Variants in LETM1 observed in about 807,000 individuals in gnomAD.
LETM1 encodes mitochondrial proton/calcium exchanger protein.
LETM1 carries 50 observed loss-of-function variants against 74.5 expected under a neutral mutation model. The ratio of observed to expected loss-of-function variants is 0.67; its 90% CI spans 0.53 to 0.85. LETM1 has a LOEUF of 0.85. Among genes scored for constraint, LETM1 ranks in the 40% least tolerant of loss-of-function variants. The pLI is 0.00. For synonymous variants in LETM1, 446 were observed against 407.1 expected, an observed-to-expected ratio of 1.10 and a Z score of -1.15; for missense variants, 824 against 967.8, an observed-to-expected ratio of 0.85 and a Z score of 1.97.
At chr4:1,819,932 C>T (rs992078908) in intron 10 of LETM1, among the ~76,000 whole-genome samples, 1 of 152,118 alleles carries the variant, frequency 6.6e-6, no homozygotes, top group Non-Finnish European at 1.5e-5. Flanking sequence ...CCCCTGTGGT[C>T]GTGTGTTTCT....
At chr4:1,851,434 C>G (rs568016691) in intron 1 of LETM1, among the ~76,000 whole-genome samples, 1 of 152,100 alleles carries the variant, frequency 6.6e-6, no homozygotes, top group East Asian at 1.9e-4. Flanking sequence ...TGGACCGATA[C>G]GTCACTTCAC....
Position 1,841,786 on chromosome 4 carries a change from A to C in LETM1, c.155T>G (p.Phe52Cys). ...LGLRNCLNVPFGCCTPIHPVY... is the reference protein window; with the variant it reads ...LGLRNCLNVPCGCCTPIHPVY... Reference sequence around the variant, plus strand: ...AGGGTGGATGGGAGTGCAGCAGCCAAATGGAACATTCCTTGAAAAGGGAAG... The same window carrying C: ...AGGGTGGATGGGAGTGCAGCAGCCACATGGAACATTCCTTGAAAAGGGAAG... Residue 52 changes from phenylalanine to cysteine, a missense_variant, in exon 3 of 14, where the codon TTT (phenylalanine) becomes TGT (cysteine). By Grantham distance (205) the Phe-to-Cys change is radical. Transcript: ENST00000302787. 6.2e-7 allele frequency: 1 copy of C among 1,611,772 alleles called. No individual in the cohort carries two copies. The highest frequency in any genetic ancestry group is 2.2e-5 in the East Asian group (1 of 44,868).
chr4:1,840,727 G>A (rs1712661139), intron 3 of LETM1, among the ~76,000 whole-genome samples: 1 of 151,800 alleles, frequency 6.6e-6, no homozygotes, highest in African/African-American at 2.4e-5. Context: ...AAACGAAGCG[G>A]GGGTGGTGGG....
At chr4:1,829,179 C>G (rs1463665505) in intron 6 of LETM1, among the ~76,000 whole-genome samples, 3 of 143,356 alleles carry the variant, frequency 2.1e-5, no homozygotes, top group Non-Finnish European at 4.6e-5. Flanking sequence ...TGACCCCCCC[C>G]CCACCTCCCT....
At chr4:1,828,831 TC>T (rs1712135601) in intron 6 of LETM1, among the ~76,000 whole-genome samples, 1 of 72,190 alleles carries the variant, frequency 1.4e-5, no homozygotes, top group African/African-American at 5.5e-5. Flanking sequence ...CCCACCTCCC[TC>T]CCGGACGGGG....
chr4:1,850,328 A>G (rs1713025548), intron 1 of LETM1, among the ~76,000 whole-genome samples: 2 of 152,140 alleles, frequency 1.3e-5, no homozygotes, highest in Non-Finnish European at 2.9e-5. Context: ...GGAAGCCTCA[A>G]GTAGATCCTG....
At position 1,811,981 on chromosome 4, in the gene LETM1, G is replaced by A. The variant is rs937894742; in HGVS notation, c.*2443C>T. On this transcript the variant is annotated 3_prime_UTR_variant, in exon 14 of 14. Coordinates refer to ENST00000302787, the MANE Select transcript of LETM1 (RefSeq NM_012318.3). ...TGGGAGGCCGAGGTGAGTAGATCAC[G>A]AAGTCAGGAGATCGAGACCATCCTG... 3.9e-5 allele frequency: 6 copies of A among 152,172 alleles called. No homozygotes were observed. The highest frequency in any genetic ancestry group is 5.9e-5 in the Non-Finnish European group (4 of 68,032). The allele number at this position is 152,172 out of a possible 1,614,324, so 9.4% of individuals were successfully genotyped here.
intron 1 of LETM1, among the ~76,000 whole-genome samples, chr4:1,854,431 G>C (rs886807505): frequency 4.7e-5 from 7 of 147,542 alleles, no homozygotes; most frequent in Non-Finnish European, 5.9e-5. Context: ...AGTGAGCCGA[G>C]ATCATGCCAC....
At chr4:1,832,438 G>C (rs1273293215) in intron 6 of LETM1, among the ~76,000 whole-genome samples, 1 of 152,192 alleles carries the variant, frequency 6.6e-6, no homozygotes, top group Non-Finnish European at 1.5e-5. Context: ...TGAAGACCCT[G>C]ATGTGAGGAG....
intron 9 of LETM1, chr4:1,822,751 G>A (rs1711829158): frequency 7.5e-6 from 3 of 399,228 alleles, no homozygotes; most frequent in Non-Finnish European, 1.3e-5. Context: ...GCCCCTCTGA[G>A]ACGGCTAAGG....
At position 1,855,947 on chromosome 4, in the gene LETM1, C is replaced by A; in HGVS notation, c.4G>T (p.Ala2Ser). The A allele has an allele frequency of 8.2e-7, 1 of 1,220,222 alleles. No homozygotes were observed. Among genetic ancestry groups the A allele is most frequent in the Non-Finnish European group, 1.0e-6 (1 of 981,534 alleles). 75.6% of individuals were successfully genotyped at this position (1,220,222 alleles called of 1,614,324 possible). ...CGGCAGCTCCTCAGTAAGATGGACG[C>A]CATGTGCTCGGGCGCGGCGGCCGCT... The part of the protein sequence containing the change: M[A>S]SILLRSCRGR... The change falls in exon 1 of 14, where the codon GCG (alanine) becomes TCG (serine). Residue 2 changes from alanine (A) to serine (S), a missense_variant. By Grantham distance (99) the Ala-to-Ser change is moderately conservative. This residue lies in a region of LETM1 where 222 missense variants were observed against 195.6 expected (regional missense o/e 1.14). Transcript: ENST00000302787.
intron 6 of LETM1, among the ~76,000 whole-genome samples, chr4:1,827,259 C>T (rs1014092941): frequency 6.7e-6 from 1 of 149,086 alleles, no homozygotes; most frequent in Admixed American, 6.6e-5. Context: ...GGTTATAGAT[C>T]CTGGATTGAC....
At chr4:1,848,409 G>A (rs962545181) in intron 2 of LETM1, among the ~76,000 whole-genome samples, 7 of 151,912 alleles carry the variant, frequency 4.6e-5, no homozygotes, top group Non-Finnish European at 8.8e-5. Context: ...TTAGCCGGGC[G>A]TGGTGGCGGG....
At chr4:1,822,108 C>G in intron 10 of LETM1, 73 bp downstream of exon 10, 1 of 1,326,400 alleles carries the variant, frequency 7.5e-7, no homozygotes, top group Non-Finnish European at 9.8e-7. Context: ...GTCCCCATCC[C>G]TGCCCCACAA....
chr4:1,832,980 A>G, intron 5 of LETM1, 33 bp from the exon 6 acceptor site: 2 of 1,603,430 alleles, frequency 1.2e-6, no homozygotes, highest in Non-Finnish European at 8.5e-7. Context: ...CATCCCCGGG[A>G]CACGCGCCCA....
Position 1,836,610 on chromosome 4 carries a change from C to T in LETM1, c.595-38G>A, listed in dbSNP as rs762539126. ...GAATCCATCAGAGGGGAGCAGAGCACATGTGGGAACAAGGGCAAGGGGTGT... is the reference window on the plus strand; with the variant it reads ...GAATCCATCAGAGGGGAGCAGAGCATATGTGGGAACAAGGGCAAGGGGTGT... On this transcript the variant is annotated intron_variant, in intron 3 of 13. Coordinates refer to ENST00000302787, the MANE Select transcript of LETM1 (RefSeq NM_012318.3). This position sits in a 1 kb window ranked among gnomAD's most constrained non-coding sequence, Gnocchi z 5.8. 6.2e-7 allele frequency: 1 copy of T among 1,609,122 alleles called. No individual in the cohort carries two copies. Among genetic ancestry groups the T allele is most frequent in the South Asian group, 1.1e-5 (1 of 90,976 alleles).
At chr4:1,844,343 G>T (rs1053348234) in intron 2 of LETM1, among the ~76,000 whole-genome samples, 1 of 152,260 alleles carries the variant, frequency 6.6e-6, no homozygotes, top group Non-Finnish European at 1.5e-5. Flanking sequence ...CTTACAGTTT[G>T]CTTACCCAAA....
At chr4:1,855,433 C>A (rs1426991821) in intron 1 of LETM1, among the ~76,000 whole-genome samples, 1 of 152,198 alleles carries the variant, frequency 6.6e-6, no homozygotes, top group Non-Finnish European at 1.5e-5. Context: ...CAGTGACGGA[C>A]CAGGAAGGCT....
rs777117706 is a variant in LETM1, at chr4:1,834,811, G to A, written c.876+34C>T. The A allele has an allele frequency of 6.2e-7, 1 of 1,610,966 alleles. No homozygotes were observed. Among genetic ancestry groups the A allele is most frequent in the Non-Finnish European group, 8.5e-7 (1 of 1,177,700 alleles). The stretch of plus-strand genomic sequence containing the variant: ...ACAGAAAATCAGGGAAGGCTCCCTG[G>A]TGAGGTCACAGGGACTCAGACGTAT... On this transcript the variant is annotated intron_variant, in intron 5 of 13. Coordinates refer to ENST00000302787, the MANE Select transcript of LETM1 (RefSeq NM_012318.3). This position sits in a 1 kb window ranked among gnomAD's most constrained non-coding sequence, Gnocchi z 5.0.
Sources: allele counts gnomAD v4.1 joint callset (sites outside exome capture counted in the v4.1 genomes callset), GRCh38; gene constraint gnomAD v4.1.1; regional missense constraint gnomAD v4.1.1; non-coding constraint Gnocchi (gnomAD v3.1); transcripts MANE v1.5; gene names NCBI Gene and HGNC (gene_info 2026-07-23, HGNC 2026-07-21).